Variants in KALRN observed in about 807,000 individuals in gnomAD.
KALRN encodes the protein kalirin RhoGEF kinase.
KALRN carries 70 observed loss-of-function variants against 353.7 expected under a neutral mutation model. The ratio of observed to expected loss-of-function variants is 0.20; its 90% CI spans 0.16 to 0.24. KALRN has a LOEUF of 0.24. Among genes scored for constraint, KALRN ranks in the 10% least tolerant of loss-of-function variants. The pLI is 1.00. For missense variants in KALRN, 2,791 were observed against 3,756.7 expected (o/e 0.74, Z 6.72); for synonymous variants, 1,391 against 1,434.8 (o/e 0.97, Z 0.69).
intron 15 of KALRN, among the ~76,000 whole-genome samples, chr3:124,424,181 C>A (rs974390393): frequency 6.6e-6 from 1 of 152,180 alleles, no homozygotes; most frequent in Non-Finnish European, 1.5e-5. Flanking sequence ...GGGCAGGTAC[C>A]ACATCACTCC....
intron 4 of KALRN, 104 bp from the exon 5 acceptor site, chr3:124,268,639 G>T: frequency 8.2e-7 from 1 of 1,220,216 alleles, no homozygotes; most frequent in Non-Finnish European, 1.2e-6. Flanking sequence ...GGCAGGCTGT[G>T]GTCATTATTA....
intron 1 of KALRN, among the ~76,000 whole-genome samples, chr3:124,173,490 TAG>T (rs1397989644): frequency 6.6e-6 from 1 of 152,222 alleles, no homozygotes; most frequent in Admixed American, 6.5e-5. Context: ...GAGGGGAATG[TAG>T]AGAGTCAACA....
At chr3:124,584,541 G>GC (rs1485428087) in intron 34 of KALRN, 1 of 1,086,786 alleles carries the variant, frequency 9.2e-7, no homozygotes, top group Non-Finnish European at 1.2e-6. Context: ...GCCACAGGCA[G>GC]CGTTACATGA....
chr3:124,367,361 C>T (rs9850155), intron 10 of KALRN, among the ~76,000 whole-genome samples: 1,622 of 14,824 alleles, frequency 0.11, 156 homozygotes, highest in East Asian at 0.48. Context: ...TAGGGGCGGC[C>T]GGGCAGAGGC....
At chr3:124,074,263 A>G (rs1485048289) in intron 1 of KALRN, among the ~76,000 whole-genome samples, 1 of 152,254 alleles carries the variant, frequency 6.6e-6, no homozygotes, top group African/African-American at 2.4e-5. Context: ...TTCTCAGTTC[A>G]TAGCTTCAGA....
intron 34 of KALRN, among the ~76,000 whole-genome samples, chr3:124,614,241 CTTATTTAT>C (rs10666219): frequency 0.19 from 26,830 of 142,794 alleles, 2,784 homozygotes; most frequent in Middle Eastern, 0.25. Flanking sequence ...TTCTAAAATT[CTTATTTAT>C]TTATTTATTT....
chr3:124,572,203 G>C (rs1178771702), intron 34 of KALRN, among the ~76,000 whole-genome samples: 1 of 151,522 alleles, frequency 6.6e-6, no homozygotes, highest in Non-Finnish European at 1.5e-5. Context: ...ATGCACCTGT[G>C]GTCCCAGCTG....
intron 27 of KALRN, among the ~76,000 whole-genome samples, chr3:124,481,015 AC>A: frequency 1.3e-5 from 2 of 152,258 alleles, no homozygotes; most frequent in Middle Eastern, 6.8e-3. Flanking sequence ...TTGAGTATAT[AC>A]CTAGAACTTG....
At chr3:124,408,631 A>G (rs2091841103) in intron 13 of KALRN, among the ~76,000 whole-genome samples, 1 of 152,184 alleles carries the variant, frequency 6.6e-6, no homozygotes, top group African/African-American at 2.4e-5. Flanking sequence ...ACATCTAAAC[A>G]CTGATCTGAA....
intron 33 of KALRN, among the ~76,000 whole-genome samples, chr3:124,502,617 G>A (rs1195614596): frequency 6.6e-6 from 1 of 152,168 alleles, no homozygotes; most frequent in Non-Finnish European, 1.5e-5. Context: ...CCTCATCTGT[G>A]CAATGAAGGC....
Position 124,671,843 on chromosome 3 carries a change from A to G in KALRN, c.6887A>G (p.Asn2296Ser), listed in dbSNP as rs766337334. 6.8e-6 allele frequency: 11 copies of G among 1,613,958 alleles called. No homozygotes were observed. The highest frequency in any genetic ancestry group is 9.3e-6 in the Non-Finnish European group (11 of 1,180,004). Residue 2296 changes from asparagine to serine, a missense_variant, in exon 48 of 60, where the codon AAT (asparagine) becomes AGT (serine). Around this residue, in one of 11 missense-constraint regions of KALRN, gnomAD observed 1,065 missense variants for 1,156.4 expected, o/e 0.92. Transcript: ENST00000682506. ...PLPPLKISTS[N>S]GSPGFEYHQP... Reference sequence around the variant, plus strand: ...CCTCCCCTGAAGATATCTACCTCCAATGGCAGTCCAGGGTTTGAATACCAC... The same window carrying G: ...CCTCCCCTGAAGATATCTACCTCCAGTGGCAGTCCAGGGTTTGAATACCAC...
At chr3:124,547,361 G>T (rs898313918) in intron 33 of KALRN, among the ~76,000 whole-genome samples, 5 of 152,064 alleles carry the variant, frequency 3.3e-5, no homozygotes, top group African/African-American at 1.2e-4. Context: ...CATCTAGGCT[G>T]GAGTGCAGTG....
rs117829206 is a variant in KALRN, at chr3:124,617,856, C to T, written c.5183-14564C>T. On this transcript the variant is annotated intron_variant, in intron 34 of 59. Transcript: ENST00000682506. ...CAGGCAAGGTGAGATCAGGCCTGAT[C>T]GTGGAACTACCATAAAAAAGTAGGC... is the stretch of plus-strand genomic sequence containing the variant. Among the ~76,000 whole-genome samples the T allele has an allele frequency of 7.2e-5, 11 of 152,182 alleles. 1 individual carries two copies. Among genetic ancestry groups the T allele is most frequent in the East Asian group, 5.8e-4 (3 of 5,182 alleles).
At chr3:124,527,124 G>C (rs1286660624) in intron 33 of KALRN, among the ~76,000 whole-genome samples, 1 of 152,184 alleles carries the variant, frequency 6.6e-6, no homozygotes, top group African/African-American at 2.4e-5. Context: ...AGATGAGGAA[G>C]GAGTGCAGGG....
At position 124,462,544 on chromosome 3, in the gene KALRN, C is replaced by G. The variant is rs1404991216; in HGVS notation, c.3942C>G (p.Thr1314=). The change falls in exon 25 of 60, where the codon ACC becomes ACG. Residue 1314 remains threonine, a synonymous_variant. Transcript: ENST00000682506. ...ECLETYLWEM[T]SGVEEIPPGI... Reference sequence around the variant, plus strand: ...TACAGACCTACCTGTGGGAAATGACCAGTGGTGTGGAGGAGATCCCCCCTG... The same window carrying G: ...TACAGACCTACCTGTGGGAAATGACGAGTGGTGTGGAGGAGATCCCCCCTG... 1.2e-6 allele frequency: 2 copies of G among 1,608,750 alleles called. No homozygotes were observed. The highest frequency in any genetic ancestry group is 1.3e-5 in the African/African-American group (1 of 74,764).
At chr3:124,571,956 C>T (rs778102828) in intron 34 of KALRN, among the ~76,000 whole-genome samples, 4 of 151,742 alleles carry the variant, frequency 2.6e-5, no homozygotes, top group Non-Finnish European at 5.9e-5. Flanking sequence ...TGCATATAAG[C>T]ATAGCATAAA....
chr3:124,363,743 G>A (rs11924398), intron 10 of KALRN, among the ~76,000 whole-genome samples: 890 of 152,268 alleles, frequency 5.8e-3, no homozygotes, highest in Non-Finnish European at 9.6e-3. Flanking sequence ...CACTGTTTGA[G>A]GGCCAGATTC....
chr3:124,521,065 G>A (rs995897665), intron 33 of KALRN, among the ~76,000 whole-genome samples: 3 of 152,114 alleles, frequency 2.0e-5, no homozygotes, highest in Non-Finnish European at 2.9e-5. Flanking sequence ...GTATGCCCTC[G>A]GGGTGCAGAC....
Position 124,501,617 on chromosome 3 carries a change from A to C in KALRN, c.4935+5204A>C, listed in dbSNP as rs143223397. Among the ~76,000 whole-genome samples, 1,302 of 152,320 alleles carry C rather than the reference A, an allele frequency of 8.5e-3. 13 individuals are homozygous for C. Among genetic ancestry groups the C allele is most frequent in the African/African-American group, 0.029 (1,219 of 41,558 alleles). ...CTGGCTGCAGGAGCCTTCTGAGAAC[A>C]GACCTCCTGTAGAGCCTTACCTGGT... On this transcript the variant is annotated intron_variant, in intron 33 of 59. Transcript: ENST00000682506.
Sources: allele counts gnomAD v4.1 joint callset (sites outside exome capture counted in the v4.1 genomes callset), GRCh38; gene constraint gnomAD v4.1.1; regional missense constraint gnomAD v4.1.1; transcripts MANE v1.5; gene names NCBI Gene and HGNC (gene_info 2026-07-23, HGNC 2026-07-21).